The following ZNF469 variants were observed in gnomAD, a reference collection of about 807,000 sequenced individuals.
ZNF469 encodes zinc finger protein 469.
Under a neutral mutation model 1.0 loss-of-function variants are expected in ZNF469, and 1 was observed. The observed-to-expected ratio is 1.00, with a 90% CI of 0.35 to 4.73. The LOEUF (loss-of-function observed/expected upper bound fraction) is 4.73, where lower values mean the gene tolerates loss of function less well. Among genes scored for constraint, ZNF469 ranks in the 30% most tolerant of loss-of-function variants. The pLI, the probability that ZNF469 is intolerant of heterozygous loss-of-function variation, is 0.16. For missense variants in ZNF469, 6,100 were observed against 5,356.3 expected (o/e 1.14, Z -4.33); for synonymous variants, 2,703 against 2,363.4 (o/e 1.14, Z -4.17).
chr16:88,117,845 G>T, the ZNF469 span, among the ~76,000 whole-genome samples: 1 of 152,238 alleles, frequency 6.6e-6, no homozygotes, highest in Non-Finnish European at 1.5e-5. Context: ...GGAGGCCGCC[G>T]TGTCGTCAGA....
chr16:88,111,482 G>A, the ZNF469 span, among the ~76,000 whole-genome samples: 1 of 147,740 alleles, frequency 6.8e-6, no homozygotes, highest in Non-Finnish European at 1.5e-5. Context: ...TCAAATAATA[G>A]GTCTTATGCA....
the ZNF469 span, among the ~76,000 whole-genome samples, chr16:88,216,067 G>A: frequency 6.6e-6 from 1 of 151,252 alleles, no homozygotes; most frequent in South Asian, 2.1e-4. Flanking sequence ...TTTTTTTTTG[G>A]TACAGATTTT....
At chr16:88,414,716 G>T (rs948382802) in intron 1 of ZNF469, among the ~76,000 whole-genome samples, 2 of 152,244 alleles carry the variant, frequency 1.3e-5, no homozygotes, top group Non-Finnish European at 2.9e-5. Context: ...CCAGTGGGGG[G>T]TAACTTCCCC....
At chr16:88,184,969 CAA>C in the ZNF469 span, among the ~76,000 whole-genome samples, 4 of 152,114 alleles carry the variant, frequency 2.6e-5, no homozygotes, top group African/African-American at 9.7e-5. Flanking sequence ...CATGCACACG[CAA>C]GACTTACATA....
the ZNF469 span, among the ~76,000 whole-genome samples, chr16:88,183,176 G>C: frequency 1.3e-5 from 2 of 152,234 alleles, no homozygotes; most frequent in Non-Finnish European, 2.9e-5. Flanking sequence ...ACTGCCAGGT[G>C]CTGATGAAAA....
the ZNF469 span, among the ~76,000 whole-genome samples, chr16:88,103,189 T>A: frequency 6.7e-6 from 1 of 149,450 alleles, no homozygotes; most frequent in African/African-American, 2.5e-5. Context: ...ATGGTGTCGG[T>A]GGCTTTTTGG....
the ZNF469 span, among the ~76,000 whole-genome samples, chr16:88,265,622 A>G: frequency 6.6e-6 from 1 of 152,158 alleles, no homozygotes; most frequent in African/African-American, 2.4e-5. Flanking sequence ...GGGACCGCAA[A>G]CACCTCACTC....
At chr16:88,226,553 C>A in the ZNF469 span, among the ~76,000 whole-genome samples, 2 of 152,136 alleles carry the variant, frequency 1.3e-5, no homozygotes, top group Non-Finnish European at 2.9e-5. Flanking sequence ...GTTCCTGAAG[C>A]TTTGCAGCAC....
the ZNF469 span, among the ~76,000 whole-genome samples, chr16:88,247,255 G>A: frequency 2.6e-5 from 4 of 151,340 alleles, no homozygotes; most frequent in Non-Finnish European, 5.9e-5. Context: ...ATGAGTGAAG[G>A]AACAAGTGAA....
At chr16:88,111,092 C>T in the ZNF469 span, among the ~76,000 whole-genome samples, 1 of 152,214 alleles carries the variant, frequency 6.6e-6, no homozygotes, top group Non-Finnish European at 1.5e-5. Flanking sequence ...TGCGACTTCC[C>T]AAACCCCACT....
chr16:88,363,428 C>A, the ZNF469 span, among the ~76,000 whole-genome samples: 2 of 152,228 alleles, frequency 1.3e-5, no homozygotes, highest in Admixed American at 6.5e-5. Flanking sequence ...ACTCTGTCTC[C>A]TCTGTTGTGG....
chr16:88,407,041 G>C (rs1567503038), intron 1 of ZNF469, among the ~76,000 whole-genome samples: 1 of 152,230 alleles, frequency 6.6e-6, no homozygotes, highest in Non-Finnish European at 1.5e-5. Context: ...ACTGGGGACA[G>C]TGCTTATCTG....
At chr16:88,404,584 C>A (rs1904975124) in intron 1 of ZNF469, among the ~76,000 whole-genome samples, 1 of 152,122 alleles carries the variant, frequency 6.6e-6, no homozygotes, top group Non-Finnish European at 1.5e-5. Context: ...AACTGGGAGG[C>A]CTTGGAAAGG....
At chr16:88,290,049 C>T in the ZNF469 span, among the ~76,000 whole-genome samples, 19 of 152,296 alleles carry the variant, frequency 1.2e-4, no homozygotes, top group East Asian at 1.2e-3. Context: ...AACTGTGAGC[C>T]GCTCCCTCAG....
chr16:88,142,137 C>A, the ZNF469 span, among the ~76,000 whole-genome samples: 1 of 152,222 alleles, frequency 6.6e-6, no homozygotes, highest in East Asian at 1.9e-4. Flanking sequence ...TCCAAGGGTG[C>A]GTCCAGGGTG....
the ZNF469 span, chr16:88,195,122 C>A: frequency 6.6e-6 from 1 of 152,342 alleles, no homozygotes; most frequent in African/African-American, 2.4e-5. Context: ...GCGCGGCTCT[C>A]TGGTCGCAAG....
the ZNF469 span, chr16:88,191,679 A>T: frequency 6.6e-6 from 1 of 151,300 alleles, no homozygotes; most frequent in Non-Finnish European, 1.5e-5. Context: ...TCCTTCCTTC[A>T]TTCATTCCTG....
the ZNF469 span, among the ~76,000 whole-genome samples, chr16:88,342,822 G>A: frequency 8.5e-5 from 13 of 152,366 alleles, no homozygotes; most frequent in Middle Eastern, 6.8e-3. Context: ...TGTCAATGAC[G>A]CCAGCATAGG....
chr16:88,414,652 T>C (rs1905258675), intron 1 of ZNF469, among the ~76,000 whole-genome samples: 1 of 152,256 alleles, frequency 6.6e-6, no homozygotes, highest in African/African-American at 2.4e-5. Flanking sequence ...AGGCCTCCTC[T>C]GTCCTGGCTG....
Sources: allele counts gnomAD v4.1 joint callset (sites outside exome capture counted in the v4.1 genomes callset), GRCh38; gene constraint gnomAD v4.1.1; transcripts MANE v1.5; gene names NCBI Gene and HGNC (gene_info 2026-07-23, HGNC 2026-07-21).